The following CUL3 variants were observed in gnomAD, a reference collection of about 807,000 sequenced individuals.
The protein encoded by CUL3 is cullin-3.
CUL3 carries 19 observed loss-of-function variants against 89.1 expected under a neutral mutation model. That is an observed-to-expected ratio of 0.21 (90% CI 0.15 to 0.31). CUL3 has a LOEUF of 0.31. Among genes scored for constraint, CUL3 ranks in the 10% least tolerant of loss-of-function variants. The probability of loss-of-function intolerance (pLI) is 1.00; values close to 1 mark genes in which losing one functional copy is unlikely to be tolerated. For missense variants in CUL3, 469 were observed against 942.3 expected (o/e 0.50, Z 6.58); for synonymous variants, 351 against 308.4 (o/e 1.14, Z -1.45).
chr2:224,583,285 C>A (rs1471877707), intron 1 of CUL3, among the ~76,000 whole-genome samples: 1 of 152,046 alleles, frequency 6.6e-6, no homozygotes, highest in Non-Finnish European at 1.5e-5. Flanking sequence ...GCTTTTAACC[C>A]AGGAGGCGGA....
Position 224,511,341 on chromosome 2 carries a change from CG to C in CUL3, c.883+12del. 1 of 1,534,754 alleles carries C rather than the reference CG, an allele frequency of 6.5e-7. No individual in the cohort carries two copies. On this transcript the variant is annotated intron_variant, in intron 6 of 15. Transcript: ENST00000264414. Reference sequence around the variant, plus strand: ...AGTAAGGATTTAATTATTTTTCAATCGGTAACACTTACCTTCTGTCTTTCCA... The same window carrying C: ...AGTAAGGATTTAATTATTTTTCAATCGTAACACTTACCTTCTGTCTTTCCA...
chr2:224,557,861 A>C lies in CUL3; in HGVS notation c.67-5T>G. 2.9e-6 allele frequency: 3 copies of C among 1,038,002 alleles called. No individual in the cohort carries two copies. The highest frequency in any genetic ancestry group is 4.3e-6 in the Non-Finnish European group (3 of 695,966). The allele number at this position is 1,038,002 out of a possible 1,614,324, so 64.3% of individuals were successfully genotyped here. Reference sequence around the variant, plus strand: ...ATATTTTTCATCCATGGTCATCTGTAATATCCAAGAGAGAGAAGAGACAAA... The same window carrying C: ...ATATTTTTCATCCATGGTCATCTGTCATATCCAAGAGAGAGAAGAGACAAA... On this transcript the variant is annotated splice_polypyrimidine_tract_variant and splice_region_variant and intron_variant, in intron 1 of 15. Transcript: ENST00000264414.
intron 13 of CUL3, among the ~76,000 whole-genome samples, chr2:224,484,672 C>T (rs968999363): frequency 1.4e-4 from 21 of 152,094 alleles, no homozygotes; most frequent in African/African-American, 5.1e-4. Flanking sequence ...TCAACATTTT[C>T]TTCCATTATT....
chr2:224,569,660 GA>G, intron 1 of CUL3: 1 of 1,051,322 alleles, frequency 9.5e-7, no homozygotes, highest in Non-Finnish European at 1.2e-6. Context: ...GCCTGAATTT[GA>G]AAGGATGTCA....
At position 224,585,215 on chromosome 2, in the gene CUL3, C is replaced by T. The variant is rs1368968162; in HGVS notation, c.-206G>A. 1.9e-5 allele frequency: 7 copies of T among 372,618 alleles called. No homozygotes were observed. The highest frequency in any genetic ancestry group is 2.8e-5 in the Non-Finnish European group (6 of 214,624). The allele number at this position is 372,618 out of a possible 1,614,324, so 23.1% of individuals were successfully genotyped here. A position where few individuals can be genotyped will look rare whatever the true frequency, so the allele number is the denominator to read the frequency against. On this transcript the variant is annotated 5_prime_UTR_variant, in exon 1 of 16. Transcript: ENST00000264414. ...GCGGCGGCGGCTCGGACTCTGGCGA[C>T]TCCGATGCGGCTGGGGGGCTGCGCT...
At chr2:224,552,567 G>A (rs1014066067) in intron 2 of CUL3, among the ~76,000 whole-genome samples, 2 of 152,160 alleles carry the variant, frequency 1.3e-5, no homozygotes, top group Non-Finnish European at 2.9e-5. Flanking sequence ...GAAGCCTCCC[G>A]TCATCTGCTG....
intron 3 of CUL3, among the ~76,000 whole-genome samples, chr2:224,518,875 T>A (rs1444649511): frequency 6.6e-6 from 1 of 152,214 alleles, no homozygotes; most frequent in African/African-American, 2.4e-5. Flanking sequence ...AGTGATGGTA[T>A]CGCTACTAAA....
At chr2:224,574,385 C>A (rs1259400555) in intron 1 of CUL3, among the ~76,000 whole-genome samples, 2 of 152,192 alleles carry the variant, frequency 1.3e-5, no homozygotes, top group East Asian at 3.8e-4. Context: ...AAGGCAACTA[C>A]AGGATCAGTT....
rs778072232 is a variant in CUL3 at position 224,473,903 on chromosome 2, G to T, written c.*342C>A. The T allele has an allele frequency of 1.7e-5, 4 of 229,292 alleles. No homozygotes were observed. Among genetic ancestry groups the T allele is most frequent in the Non-Finnish European group, 3.5e-5 (4 of 115,478 alleles). The allele number at this position is 229,292 out of a possible 1,614,324, so 14.2% of individuals were successfully genotyped here. On this transcript the variant is annotated 3_prime_UTR_variant, in exon 16 of 16. Transcript: ENST00000264414. Reference sequence around the variant, plus strand: ...CATTTACATCAACACTGAAGACCTGGGGAAATGAAATCCAACAATTTTATT... The same window carrying T: ...CATTTACATCAACACTGAAGACCTGTGGAAATGAAATCCAACAATTTTATT...
At chr2:224,521,980 C>T (rs1693282914) in intron 3 of CUL3, among the ~76,000 whole-genome samples, 1 of 148,770 alleles carries the variant, frequency 6.7e-6, no homozygotes, top group South Asian at 2.1e-4. Flanking sequence ...CAAATGTAAA[C>T]AGGGTTAAAA....
At position 224,472,806 on chromosome 2, in the gene CUL3, A is replaced by C. The variant is rs1691178466; in HGVS notation, c.*1439T>G. The C allele has an allele frequency of 9.9e-6, 2 of 201,848 alleles. No individual in the cohort carries two copies. Among genetic ancestry groups the C allele is most frequent in the East Asian group, 1.5e-4 (2 of 13,028 alleles). 12.5% of individuals were successfully genotyped at this position (201,848 alleles called of 1,614,324 possible). A position where few individuals can be genotyped will look rare whatever the true frequency, so the allele number is the denominator to read the frequency against. ...AGAATTCAGTTGTTGTAACTTGACC[A>C]TAAATTTAAACAGAAACCATCTTCT... On this transcript the variant is annotated 3_prime_UTR_variant, in exon 16 of 16. Transcript: ENST00000264414.
At chr2:224,530,697 A>C (rs1440949493) in intron 3 of CUL3, among the ~76,000 whole-genome samples, 3 of 152,168 alleles carry the variant, frequency 2.0e-5, no homozygotes, top group African/African-American at 4.8e-5. Flanking sequence ...ACTTGAGCCC[A>C]GGAGTTCGAG....
chr2:224,559,536 ATC>A (rs559379863), intron 1 of CUL3, among the ~76,000 whole-genome samples: 129 of 152,154 alleles, frequency 8.5e-4, no homozygotes, highest in Admixed American at 1.4e-3. Context: ...GCACCATCTA[ATC>A]TCTCTTTCCA....
intron 13 of CUL3, among the ~76,000 whole-genome samples, chr2:224,492,715 C>A (rs1296096080): frequency 6.6e-6 from 1 of 152,164 alleles, no homozygotes; most frequent in African/African-American, 2.4e-5. Flanking sequence ...ATTAATGCCA[C>A]CTGTTGTAGC....
At chr2:224,487,309 G>A (rs1691763636) in intron 13 of CUL3, among the ~76,000 whole-genome samples, 1 of 152,038 alleles carries the variant, frequency 6.6e-6, no homozygotes, top group South Asian at 2.1e-4. Context: ...CCAATTAAAA[G>A]ACACAGACTG....
chr2:224,581,699 T>A (rs991578721), intron 1 of CUL3, among the ~76,000 whole-genome samples: 3 of 151,646 alleles, frequency 2.0e-5, no homozygotes, highest in African/African-American at 7.3e-5. Context: ...GACAGGGGTT[T>A]GCATGTTGGC....
At chr2:224,575,536 G>C (rs1294290146) in intron 1 of CUL3, among the ~76,000 whole-genome samples, 1 of 152,088 alleles carries the variant, frequency 6.6e-6, no homozygotes, top group Non-Finnish European at 1.5e-5. Context: ...AGATCAAAGG[G>C]CACATTAACG....
rs1692359693 is a variant in CUL3 at position 224,500,833 on chromosome 2, A to AGGCT, written c.1486-350_1486-347dup. 2.0e-5 allele frequency among the ~76,000 whole-genome samples: 3 copies of AGGCT among 152,088 alleles called. No homozygotes were observed. In the South Asian group the frequency reaches 6.2e-4, roughly 32 times the overall value. On this transcript the variant is annotated intron_variant, in intron 10 of 15. Coordinates refer to ENST00000264414, the MANE Select transcript of CUL3 (RefSeq NM_003590.5). ...GAGACGGGGTTTCTCCATGTTGGTC[A>AGGCT]GGCTGGTCTCGAACTCCTGACCTCA...
At chr2:224,534,925 C>G (rs984673150) in intron 3 of CUL3, among the ~76,000 whole-genome samples, 2 of 151,342 alleles carry the variant, frequency 1.3e-5, no homozygotes, top group Non-Finnish European at 2.9e-5. Flanking sequence ...GGCGTGAACC[C>G]GGGAGGCAGA....
Sources: allele counts gnomAD v4.1 joint callset (sites outside exome capture counted in the v4.1 genomes callset), GRCh38; gene constraint gnomAD v4.1.1; transcripts MANE v1.5; gene names NCBI Gene and HGNC (gene_info 2026-07-23, HGNC 2026-07-21).